UNC5D: variants seen among roughly 807,000 people sequenced by gnomAD.
UNC5D encodes the protein unc-5 netrin receptor D, also known as netrin receptor UNC5D.
In UNC5D, 39 loss-of-function variants were observed where a neutral mutation model predicts 105.4. That is an observed-to-expected ratio of 0.37 (90% CI 0.29 to 0.48). UNC5D has a LOEUF of 0.48. UNC5D is among the 20% of genes least tolerant of loss of function. The pLI is 0.98. For missense variants in UNC5D, 991 were observed against 1,202.4 expected (o/e 0.82, Z 2.60); for synonymous variants, 452 against 450.4 (o/e 1.00, Z -0.04).
At chr8:35,729,363 G>A (rs369996067) in intron 10 of UNC5D, among the ~76,000 whole-genome samples, 22 of 152,094 alleles carry the variant, frequency 1.4e-4, no homozygotes, top group South Asian at 6.2e-4. Context: ...ATCCTATTTC[G>A]TTTATATCTT....
chr8:35,598,329 AT>A (rs1819619470), intron 4 of UNC5D, among the ~76,000 whole-genome samples: 1 of 152,116 alleles, frequency 6.6e-6, no homozygotes, highest in African/African-American at 2.4e-5. Context: ...ACTCTTCTTC[AT>A]TGCTGTATCC....
intron 1 of UNC5D, among the ~76,000 whole-genome samples, chr8:35,285,447 A>G (rs1806523789): frequency 6.6e-6 from 1 of 152,198 alleles, no homozygotes; most frequent in African/African-American, 2.4e-5. Context: ...CATAAGTTCA[A>G]TTTCTAGTGT....
At chr8:35,428,379 T>A (rs2128972772) in intron 1 of UNC5D, among the ~76,000 whole-genome samples, 1 of 111,706 alleles carries the variant, frequency 9.0e-6, no homozygotes, top group Admixed American at 1.1e-4. Context: ...TGAGACAGGG[T>A]TTCACCATGT....
intron 1 of UNC5D, among the ~76,000 whole-genome samples, chr8:35,431,850 C>A (rs1302270244): frequency 6.6e-6 from 1 of 151,882 alleles, no homozygotes; most frequent in African/African-American, 2.4e-5. Flanking sequence ...TTTATGAATT[C>A]GGATTTAACT....
At chr8:35,238,585 GT>G (rs942126855) in intron 1 of UNC5D, among the ~76,000 whole-genome samples, 2 of 151,992 alleles carry the variant, frequency 1.3e-5, no homozygotes, top group African/African-American at 4.8e-5. Flanking sequence ...ATACTGATTT[GT>G]TTTTGTTCTT....
intron 1 of UNC5D, among the ~76,000 whole-genome samples, chr8:35,421,992 T>C (rs1805934738): frequency 6.6e-6 from 1 of 152,218 alleles, no homozygotes; most frequent in African/African-American, 2.4e-5. Flanking sequence ...TTTGTTCATG[T>C]CCATTAAGAG....
rs548262783 is a variant in UNC5D at position 35,436,325 on chromosome 8, T to C, written c.104-112967T>C. ...GAAAGCTGTTTTAAATGTTTGAAGA[T>C]GTTTAAATTTATAACAAAACAAGCA... On this transcript the variant is annotated intron_variant, in intron 1 of 16. Transcript: ENST00000404895. Among the ~76,000 whole-genome samples, 130 of 152,260 alleles carry C rather than the reference T, an allele frequency of 8.5e-4. 1 individual carries two copies. The highest frequency in any genetic ancestry group is 3.4e-3 in the Middle Eastern group (1 of 294).
chr8:35,298,449 A>G (rs1807664763), intron 1 of UNC5D, among the ~76,000 whole-genome samples: 1 of 152,048 alleles, frequency 6.6e-6, no homozygotes, highest in African/African-American at 2.4e-5. Context: ...TGTGTTGGAG[A>G]TGGGGGATGG....
chr8:35,634,475 C>T (rs145410780), intron 4 of UNC5D, among the ~76,000 whole-genome samples: 113 of 152,302 alleles, frequency 7.4e-4, no homozygotes, highest in African/African-American at 2.5e-3. Context: ...CTGGTTCCAA[C>T]TAGATAGCTC....
intron 1 of UNC5D, among the ~76,000 whole-genome samples, chr8:35,250,462 T>C (rs371852693): frequency 2.2e-4 from 34 of 152,260 alleles, no homozygotes; most frequent in African/African-American, 7.5e-4. Context: ...ATTGATCCTG[T>C]CACCCAGATA....
chr8:35,522,193 G>A lies in UNC5D; in HGVS notation c.104-27099G>A, dbSNP rs561084550. 5.3e-5 allele frequency among the ~76,000 whole-genome samples: 8 copies of A among 151,990 alleles called. No homozygotes were observed. In the East Asian group the frequency reaches 5.8e-4, roughly 11 times the overall value. On this transcript the variant is annotated intron_variant, in intron 1 of 16. Coordinates refer to ENST00000404895, the MANE Select transcript of UNC5D (RefSeq NM_080872.4). Reference sequence around the variant, plus strand: ...TTTATTTTACTCTGGGAGTATTTTCGGGATAAATTCTGTTACAATGCTTTA... The same window carrying A: ...TTTATTTTACTCTGGGAGTATTTTCAGGATAAATTCTGTTACAATGCTTTA...
chr8:35,724,690 A>G (rs887875112), intron 9 of UNC5D, among the ~76,000 whole-genome samples: 1 of 152,204 alleles, frequency 6.6e-6, no homozygotes, highest in African/African-American at 2.4e-5. Context: ...GCGTAGCCAA[A>G]AATTAAACTT....
intron 13 of UNC5D, among the ~76,000 whole-genome samples, chr8:35,753,749 A>G (rs1830392607): frequency 6.6e-6 from 1 of 152,220 alleles, no homozygotes; most frequent in African/African-American, 2.4e-5. Flanking sequence ...CATGAGCAGA[A>G]AGGCCATGTA....
chr8:35,633,385 A>C (rs192094481), intron 4 of UNC5D, among the ~76,000 whole-genome samples: 2 of 152,038 alleles, frequency 1.3e-5, no homozygotes, highest in East Asian at 3.9e-4. Flanking sequence ...TAACCACACA[A>C]CTTTCCAGTC....
intron 1 of UNC5D, among the ~76,000 whole-genome samples, chr8:35,482,705 ACAAAT>A (rs567219635): frequency 1.7e-4 from 26 of 152,082 alleles, no homozygotes; most frequent in Non-Finnish European, 3.4e-4. Context: ...CTTAGAGACT[ACAAAT>A]CAAATCAAAT....
At chr8:35,624,993 C>G (rs959298130) in intron 4 of UNC5D, among the ~76,000 whole-genome samples, 2 of 152,138 alleles carry the variant, frequency 1.3e-5, no homozygotes, top group Admixed American at 1.3e-4. Flanking sequence ...TTATTTTGAA[C>G]ATGCATATGT....
At chr8:35,507,770 G>C (rs987638949) in intron 1 of UNC5D, among the ~76,000 whole-genome samples, 1 of 152,140 alleles carries the variant, frequency 6.6e-6, no homozygotes, top group Non-Finnish European at 1.5e-5. Flanking sequence ...TAATTGGATT[G>C]TTTGTACCCT....
chr8:35,388,919 A>G (rs1466795241), intron 1 of UNC5D, among the ~76,000 whole-genome samples: 1 of 152,176 alleles, frequency 6.6e-6, no homozygotes, highest in Non-Finnish European at 1.5e-5. Flanking sequence ...ATAGAGCTCT[A>G]ATGTTGAAAG....
At chr8:35,784,398 C>G (rs1274789669) in intron 16 of UNC5D, among the ~76,000 whole-genome samples, 10 of 151,994 alleles carry the variant, frequency 6.6e-5, no homozygotes, top group Admixed American at 6.6e-4. Flanking sequence ...GTCTATAGGG[C>G]TGGGGAAATG....
Sources: allele counts gnomAD v4.1 joint callset (sites outside exome capture counted in the v4.1 genomes callset), GRCh38; gene constraint gnomAD v4.1.1; transcripts MANE v1.5; gene names NCBI Gene and HGNC (gene_info 2026-07-23, HGNC 2026-07-21).